The following ZDBF2 variants were observed in gnomAD, a reference collection of about 807,000 sequenced individuals.
ZDBF2 encodes DBF4-type zinc finger-containing protein 2.
A neutral mutation model predicts 9.4 loss-of-function variants in ZDBF2; 6 were observed. That is an observed-to-expected ratio of 0.64 (90% CI 0.35 to 1.27). The LOEUF is 1.27. Ranked by LOEUF, ZDBF2 falls within the 50% of genes most tolerant of loss-of-function variation. ZDBF2 has a pLI of 0.03. For missense variants in ZDBF2, 2,697 were observed against 2,766.8 expected (o/e 0.97, Z 0.57); for synonymous variants, 905 against 946.3 (o/e 0.96, Z 0.80).
Position 206,309,588 on chromosome 2 carries a change from C to T in ZDBF2, c.5060C>T (p.Ala1687Val). Residue 1687 changes from alanine to valine, a missense_variant, in exon 5 of 5, where the codon GCC becomes GTC. Ala to Val is a moderately conservative substitution (Grantham distance 64). This residue lies in a region of ZDBF2 where 1,783 missense variants were observed against 1,776.5 expected (regional missense o/e 1.00). Transcript: ENST00000374423. ...CGACTGCAGAAAGCTCACAAAGAAG[C>T]CAGTCTTCGGAAGGATCCAAGAAAT... ...THRLQKAHKE[A>V]SLRKDPRNAG... The T allele has an allele frequency of 1.2e-6, 2 of 1,613,876 alleles. No individual in the cohort carries two copies. The highest frequency in any genetic ancestry group is 1.7e-6 in the Non-Finnish European group (2 of 1,179,870).
Position 206,310,315 on chromosome 2 carries a change from A to G in ZDBF2, c.5787A>G (p.Gln1929=). 1.2e-6 allele frequency: 2 copies of G among 1,613,970 alleles called. No homozygotes were observed. Among genetic ancestry groups the G allele is most frequent in the Non-Finnish European group, 1.7e-6 (2 of 1,179,894 alleles). Residue 1929 remains glutamine (Q), a synonymous_variant, in exon 5 of 5, where the codon CAA becomes CAG. Coordinates refer to ENST00000374423, the MANE Select transcript of ZDBF2 (RefSeq NM_020923.3). ...RHPPAERPPK[Q]KGRVASQCQT... is the part of the protein sequence containing the mutation. The stretch of plus-strand genomic sequence containing the variant: ...CTCCAGCAGAGAGGCCTCCTAAGCA[A>G]AAGGGGCGTGTGGCTTCTCAATGCC...
intron 2 of ZDBF2, among the ~76,000 whole-genome samples, chr2:206,281,526 T>C (rs1691317080): frequency 6.6e-6 from 1 of 152,236 alleles, no homozygotes. Context: ...GTATTCTTTG[T>C]TACTAAATCA....
At position 206,281,817 on chromosome 2, in the gene ZDBF2, C is replaced by T. The variant is rs780456887; in HGVS notation, c.-33C>T. On this transcript the variant is annotated 5_prime_UTR_variant, in exon 3 of 5. Transcript: ENST00000374423. ...GTTTTTCAGCTTGAGTATTCAAAGACAGTAGCCATCTGACTTCAGTTATTT... is the reference window on the plus strand; with the variant it reads ...GTTTTTCAGCTTGAGTATTCAAAGATAGTAGCCATCTGACTTCAGTTATTT... The T allele has an allele frequency of 1.2e-6, 2 of 1,603,972 alleles. No homozygotes were observed. The highest frequency in any genetic ancestry group is 1.1e-5 in the South Asian group (1 of 89,876).
chr2:206,304,720 AACACAAGATGAG>A lies in ZDBF2; in HGVS notation c.198_209del (p.Gln66_Thr69del). 1 of 1,598,172 alleles carries A rather than the reference AACACAAGATGAG, an allele frequency of 6.3e-7. No homozygotes were observed. The highest frequency in any genetic ancestry group is 8.5e-7 in the Non-Finnish European group (1 of 1,173,962). On this transcript the variant is annotated inframe_deletion, in exon 5 of 5. Transcript: ENST00000374423. ...AGTTTCCCCCCTTTCGTTTTAGTTC[AACACAAGATGAG>A]ACACATGTGAATACTGGGTCATCGT...
In ZDBF2 at chr2:206,306,798, C is replaced by G; in HGVS notation, c.2270C>G (p.Pro757Arg). ...GAGTTGACTTTTGATTCTGACCCGCCTCTTCTGTCAGTTACTGAGCAGTCT... is the reference window on the plus strand; with the variant it reads ...GAGTTGACTTTTGATTCTGACCCGCGTCTTCTGTCAGTTACTGAGCAGTCT... ...SSELTFDSDP[P>R]LLSVTEQSHL... Residue 757 changes from proline to arginine, a missense_variant, in exon 5 of 5, where the codon CCT becomes CGT. Transcript: ENST00000374423. 1 of 1,613,870 alleles carries G rather than the reference C, an allele frequency of 6.2e-7. No individual in the cohort carries two copies. The highest frequency in any genetic ancestry group is 8.5e-7 in the Non-Finnish European group (1 of 1,179,816).
chr2:206,308,325 T>G lies in ZDBF2; in HGVS notation c.3797T>G (p.Leu1266Arg). The change falls in exon 5 of 5, where the codon CTT (leucine) becomes CGT (arginine). Residue 1266 changes from leucine to arginine, a missense_variant. Transcript: ENST00000374423. Reference protein sequence around the residue: ...QPEEVVKEVSLWKEHVDLENK... With the variant: ...QPEEVVKEVSRWKEHVDLENK... ...GAAGAAGTAGTTAAGGAGGTCAGTC[T>G]TTGGAAAGAGCATGTTGACTTGGAA... 6.2e-7 allele frequency: 1 copy of G among 1,613,538 alleles called. No homozygotes were observed. Among genetic ancestry groups the G allele is most frequent in the Non-Finnish European group, 8.5e-7 (1 of 1,179,752 alleles).
At chr2:206,298,516 T>G (rs28414927) in intron 4 of ZDBF2, among the ~76,000 whole-genome samples, 4,839 of 152,192 alleles carry the variant, frequency 0.032, 197 homozygotes, top group African/African-American at 0.095. Flanking sequence ...TTTCCAGGTT[T>G]TTTTTGTTTT....
At position 206,306,377 on chromosome 2, in the gene ZDBF2, C is replaced by T. The variant is rs757531450; in HGVS notation, c.1849C>T (p.Arg617Cys). 1.7e-5 allele frequency: 27 copies of T among 1,613,644 alleles called. No homozygotes were observed. Among genetic ancestry groups the T allele is most frequent in the Middle Eastern group, 1.6e-4 (1 of 6,080 alleles). Residue 617 changes from arginine (R) to cysteine (C), a missense_variant, in exon 5 of 5, where the codon CGT becomes TGT. By Grantham distance (180) the Arg-to-Cys change is radical (BLOSUM62 -3). Coordinates refer to ENST00000374423, the MANE Select transcript of ZDBF2 (RefSeq NM_020923.3). Reference protein sequence around the residue: ...GRQVHLKHKKRKPSSAKAHLD... With the variant: ...GRQVHLKHKKCKPSSAKAHLD... ...ACAAGTCCACCTAAAACATAAGAAG[C>T]GTAAACCCAGTAGTGCTAAAGCACA...
chr2:206,289,711 A>G (rs552555153), intron 3 of ZDBF2, among the ~76,000 whole-genome samples: 5 of 152,240 alleles, frequency 3.3e-5, no homozygotes, highest in Admixed American at 2.6e-4. Flanking sequence ...CTCTCAGGGG[A>G]ACACAGTGGT....
At position 206,309,478 on chromosome 2, in the gene ZDBF2, T is replaced by C. The variant is rs373425660; in HGVS notation, c.4950T>C (p.Tyr1650=). The C allele has an allele frequency of 7.4e-6, 12 of 1,613,850 alleles. No individual in the cohort carries two copies. Among genetic ancestry groups the C allele is most frequent in the Admixed American group, 3.3e-5 (2 of 59,994 alleles). ...GACCTGATGAGAAAATGGTGAAATA[T>C]ATTGATTCAGAAGATAAGAGCTGTG... ...SQGPDEKMVK[Y]IDSEDKSCGY... The change falls in exon 5 of 5, where the codon TAT becomes TAC. Residue 1650 remains tyrosine (Y), a synonymous_variant. Transcript: ENST00000374423.
Position 206,309,350 on chromosome 2 carries a change from A to G in ZDBF2, c.4822A>G (p.Lys1608Glu), listed in dbSNP as rs1187661525. Residue 1608 changes from lysine (K) to glutamate (E), a missense_variant, in exon 5 of 5, where the codon AAG becomes GAG. This residue lies in a region of ZDBF2 where 1,783 missense variants were observed against 1,776.5 expected (regional missense o/e 1.00). Transcript: ENST00000374423. ...KETFKIINRK[K>E]DYIILGEPSC... ...GACTTTCAAAATAATAAACCGGAAGAAGGACTATATTATTCTGGGAGAGCC... is the reference window on the plus strand; with the variant it reads ...GACTTTCAAAATAATAAACCGGAAGGAGGACTATATTATTCTGGGAGAGCC... The G allele has an allele frequency of 1.9e-6, 3 of 1,613,206 alleles. No individual in the cohort carries two copies. Among genetic ancestry groups the G allele is most frequent in the Non-Finnish European group, 2.5e-6 (3 of 1,179,680 alleles).
In ZDBF2 at chr2:206,297,395, A is replaced by T. The variant is rs568689883; in HGVS notation, c.188+22A>T. 5.0e-6 allele frequency: 8 copies of T among 1,603,134 alleles called. No homozygotes were observed. In the South Asian group the frequency reaches 8.9e-5, roughly 18 times the overall value. ...GCAGGTAAAGTAGTTGATTGGAATA[A>T]TATTTATACGTAGTTATATGTTACA... On this transcript the variant is annotated intron_variant, in intron 4 of 4. Coordinates refer to ENST00000374423, the MANE Select transcript of ZDBF2 (RefSeq NM_020923.3).
chr2:206,310,358 C>T lies in ZDBF2; in HGVS notation c.5830C>T (p.His1944Tyr). ...TCAATGCCAGACAGCGAAAATCAGCCATAGTACTCAGACCAGTTGTAAGAA... is the reference window on the plus strand; with the variant it reads ...TCAATGCCAGACAGCGAAAATCAGCTATAGTACTCAGACCAGTTGTAAGAA... ...ASQCQTAKIS[H>Y]STQTSCKNYP... is the part of the protein sequence containing the mutation. The change falls in exon 5 of 5, where the codon CAT becomes TAT. Residue 1944 changes from histidine (H) to tyrosine (Y), a missense_variant. Physicochemically the swap from His to Tyr is moderately conservative, Grantham distance 83. Coordinates refer to ENST00000374423, the MANE Select transcript of ZDBF2 (RefSeq NM_020923.3). 1 of 1,613,794 alleles carries T rather than the reference C, an allele frequency of 6.2e-7. No homozygotes were observed. Among genetic ancestry groups the T allele is most frequent in the Non-Finnish European group, 8.5e-7 (1 of 1,179,854 alleles).
rs1021439896 is a variant in ZDBF2, at chr2:206,311,658, T to G, written c.*65T>G. On this transcript the variant is annotated 3_prime_UTR_variant, in exon 5 of 5. Transcript: ENST00000374423. ...TTCAGTTGAAATATATTTGGTACTT[T>G]GTGCACACAGCTTTCCCAGCTTTGG... 7.4e-7 allele frequency: 1 copy of G among 1,351,074 alleles called. No homozygotes were observed. The highest frequency in any genetic ancestry group is 9.6e-7 in the Non-Finnish European group (1 of 1,041,770). 83.7% of individuals were successfully genotyped at this position (1,351,074 alleles called of 1,614,324 possible).
chr2:206,312,126 A>G lies in ZDBF2; in HGVS notation c.*533A>G, dbSNP rs1301966080. 6.6e-6 allele frequency: 1 copy of G among 152,216 alleles called. No individual in the cohort carries two copies. 9.4% of individuals were successfully genotyped at this position (152,216 alleles called of 1,614,324 possible). ...ACTGGTGATTTTTTTTATGCATAGC[A>G]CAAACTCCTCCTGCTTCATTTAAAT... On this transcript the variant is annotated 3_prime_UTR_variant, in exon 5 of 5. Coordinates refer to ENST00000374423, the MANE Select transcript of ZDBF2 (RefSeq NM_020923.3).
rs1028325243 is a variant in ZDBF2 at position 206,308,257 on chromosome 2, T to A, written c.3729T>A (p.Ile1243=). ...DRRNEAKGFE[I]MYDSDVLQPV... The stretch of plus-strand genomic sequence containing the variant: ...GAAATGAAGCTAAGGGTTTTGAAAT[T>A]ATGTATGATTCTGATGTTCTTCAGC... The change falls in exon 5 of 5, where the codon ATT becomes ATA. Residue 1243 remains isoleucine, a synonymous_variant. Coordinates refer to ENST00000374423, the MANE Select transcript of ZDBF2 (RefSeq NM_020923.3). 1 of 1,613,860 alleles carries A rather than the reference T, an allele frequency of 6.2e-7. No individual in the cohort carries two copies. Among genetic ancestry groups the A allele is most frequent in the Admixed American group, 1.7e-5 (1 of 59,984 alleles).
rs538415362 is a variant in ZDBF2, at chr2:206,311,384, A to G, written c.6856A>G (p.Met2286Val). 15 of 1,607,520 alleles carry G rather than the reference A, an allele frequency of 9.3e-6. No individual in the cohort carries two copies. The highest frequency in any genetic ancestry group is 4.5e-5 in the East Asian group (2 of 44,732). Residue 2286 changes from methionine to valine, a missense_variant, in exon 5 of 5, where the codon ATG becomes GTG. This residue lies in a region of ZDBF2 where 1,783 missense variants were observed against 1,776.5 expected (regional missense o/e 1.00). Transcript: ENST00000374423. ...PAGAEELSSA[M>V]ANPPPKRPVR... ...TGGTGCCGAAGAGCTGTCAAGCGCT[A>G]TGGCAAATCCTCCTCCAAAGCGACC...
rs367704091 is a variant in ZDBF2 at position 206,308,564 on chromosome 2, A to G, written c.4036A>G (p.Ile1346Val). Residue 1346 changes from isoleucine to valine, a missense_variant, in exon 5 of 5, where the codon ATT (isoleucine) becomes GTT (valine). Coordinates refer to ENST00000374423, the MANE Select transcript of ZDBF2 (RefSeq NM_020923.3). ...TCAGTCAGTGATAAAACAACCACAC[A>G]TTTTGGAAGAGGAGCATGCCAGTCT... The part of the protein sequence containing the change: ...PLQSVIKQPH[I>V]LEEEHASLED... The G allele has an allele frequency of 4.6e-5, 75 of 1,613,472 alleles. No homozygotes were observed. Among genetic ancestry groups the G allele is most frequent in the Admixed American group, 1.0e-4 (6 of 59,974 alleles).
intron 3 of ZDBF2, among the ~76,000 whole-genome samples, chr2:206,292,710 T>G (rs1691958499): frequency 6.6e-6 from 1 of 152,072 alleles, no homozygotes; most frequent in Non-Finnish European, 1.5e-5. Flanking sequence ...GAAAGTGTAT[T>G]TTTATATACA....
Sources: gnomAD v4.1 joint callset for allele counts (sites outside exome capture counted in the v4.1 genomes callset) on GRCh38, gnomAD v4.1.1 for gene constraint, gnomAD v4.1.1 regional missense constraint, MANE v1.5 for transcripts, NCBI Gene and HGNC (gene_info 2026-07-23, HGNC 2026-07-21) for gene names.